GPLD1: variants seen among roughly 807,000 people sequenced by gnomAD.
GPLD1 encodes glycosylphosphatidylinositol specific phospholipase D1, also known as phosphatidylinositol-glycan-specific phospholipase D.
In GPLD1, 84 loss-of-function variants were observed where a neutral mutation model predicts 112.6. That is an observed-to-expected ratio of 0.75 (90% confidence interval 0.63 to 0.89). The LOEUF is 0.89. Among genes scored for constraint, GPLD1 ranks in the 40% least tolerant of loss-of-function variants. The pLI is 0.00. For missense variants in GPLD1, 1,044 were observed against 1,051.5 expected, an observed-to-expected ratio of 0.99 and a Z score of 0.10; for synonymous variants, 386 against 403.8, an observed-to-expected ratio of 0.96 and a Z score of 0.53.
At chr6:24,467,109 C>T (rs1763643985) in intron 8 of GPLD1, 58 bp downstream of exon 8, 3 of 1,171,180 alleles carry the variant, frequency 2.6e-6, no homozygotes, top group Non-Finnish European at 3.9e-6. Flanking sequence ...AACATAAAAA[C>T]TGTGCAAAGG....
At position 24,449,882 on chromosome 6, in the gene GPLD1, GCCAAACCGA is replaced by G. The variant is rs772508955; in HGVS notation, c.1344_1352del (p.Arg449_Gly451del). ...TAAAGTCCAACACAGCCAAGGCCGA[GCCAAACCGA>G]CCTGAGGGCTGAAGAGGCACAAGTT... On this transcript the variant is annotated inframe_deletion, in exon 15 of 25. Coordinates refer to ENST00000230036, the MANE Select transcript of GPLD1 (RefSeq NM_001503.4). The G allele has an allele frequency of 6.2e-7, 1 of 1,613,760 alleles. No homozygotes were observed. The highest frequency in any genetic ancestry group is 1.7e-5 in the Admixed American group (1 of 59,996).
At chr6:24,472,519 A>G in intron 7 of GPLD1, 63 bp downstream of exon 7, 2 of 919,584 alleles carry the variant, frequency 2.2e-6, no homozygotes, top group African/African-American at 1.7e-5. Context: ...ATTTTCTAAG[A>G]AAAAAAGTCA....
At chr6:24,455,235 G>A (rs1056328974) in intron 13 of GPLD1, among the ~76,000 whole-genome samples, 2 of 152,266 alleles carry the variant, frequency 1.3e-5, no homozygotes, top group Non-Finnish European at 2.9e-5. Flanking sequence ...GGATGCCCCT[G>A]TGGCTGGCTG....
At position 24,456,562 on chromosome 6, in the gene GPLD1, G is replaced by T. The variant is rs1023455010; in HGVS notation, c.1084C>A (p.Gln362Lys). The T allele has an allele frequency of 6.2e-7, 1 of 1,607,640 alleles. No individual in the cohort carries two copies. The highest frequency in any genetic ancestry group is 1.3e-5 in the African/African-American group (1 of 74,786). Reference protein sequence around the residue: ...TMFIGGSQLSQKHVSSPLASY... With the variant: ...TMFIGGSQLSKKHVSSPLASY... Reference sequence around the variant, plus strand: ...GCTAAGGGGCTGGAGACGTGCTTTTGTGACAACTGAGAGCCACCTATGAAC... The same window carrying T: ...GCTAAGGGGCTGGAGACGTGCTTTTTTGACAACTGAGAGCCACCTATGAAC... Residue 362 changes from glutamine (Q) to lysine (K), a missense_variant, in exon 13 of 25, where the codon CAA (glutamine) becomes AAA (lysine). Physicochemically the swap from Gln to Lys is moderately conservative, Grantham distance 53 (BLOSUM62 1). Transcript: ENST00000230036.
At chr6:24,463,453 T>C (rs559261962) in intron 10 of GPLD1, among the ~76,000 whole-genome samples, 2 of 152,224 alleles carry the variant, frequency 1.3e-5, no homozygotes, top group South Asian at 4.2e-4. Flanking sequence ...AGAAAATTAG[T>C]TGCTGAAAAA....
rs148337435 is a variant in GPLD1, at chr6:24,431,097, G to A, written c.2437-1979C>T. Among the ~76,000 whole-genome samples, 84 of 152,182 alleles carry A rather than the reference G, an allele frequency of 5.5e-4. 1 individual carries two copies. The highest frequency in any genetic ancestry group is 6.8e-3 in the Middle Eastern group (2 of 294). ...GGATCCCTGTGATCAGACCTTCCGAGAATCTTCCCATAAAGTTAATAACCA... is the reference window on the plus strand; with the variant it reads ...GGATCCCTGTGATCAGACCTTCCGAAAATCTTCCCATAAAGTTAATAACCA... On this transcript the variant is annotated intron_variant, in intron 24 of 24. Coordinates refer to ENST00000230036, the MANE Select transcript of GPLD1 (RefSeq NM_001503.4).
chr6:24,426,792 C>A lies in GPLD1; in HGVS notation c.*2240G>T, dbSNP rs936421638. 6.6e-6 allele frequency among the ~76,000 whole-genome samples: 1 copy of A among 152,186 alleles called. No individual in the cohort carries two copies. The highest frequency in any genetic ancestry group is 1.5e-5 in the Non-Finnish European group (1 of 68,032). On this transcript the variant is annotated 3_prime_UTR_variant, in exon 25 of 25. Coordinates refer to ENST00000230036, the MANE Select transcript of GPLD1 (RefSeq NM_001503.4). ...ACCATCCTTTTAATTAAAAGTAATT[C>A]TTCAGATAGGTTGGGCTACCAATAA...
chr6:24,432,445 T>G (rs1192450706), intron 24 of GPLD1, among the ~76,000 whole-genome samples: 2 of 151,638 alleles, frequency 1.3e-5, no homozygotes, highest in East Asian at 3.9e-4. Context: ...AAAAAGTTTT[T>G]GAAAAAATAG....
chr6:24,441,146 TA>T (rs71542673), intron 20 of GPLD1, among the ~76,000 whole-genome samples: 2 of 139,640 alleles, frequency 1.4e-5, no homozygotes, highest in African/African-American at 5.3e-5. Flanking sequence ...CTACTAAAAA[TA>T]AAAAAAAAAA....
chr6:24,482,097 ATTTTTT>A (rs66567770), intron 2 of GPLD1, among the ~76,000 whole-genome samples: 1 of 103,226 alleles, frequency 9.7e-6, no homozygotes, highest in African/African-American at 3.9e-5. Flanking sequence ...GTATTTTTGG[ATTTTTT>A]TTTTTTTTTT....
chr6:24,478,952 A>G (rs1003775483), intron 3 of GPLD1, among the ~76,000 whole-genome samples: 9 of 152,186 alleles, frequency 5.9e-5, no homozygotes, highest in Non-Finnish European at 1.2e-4. Context: ...TGATAATGAC[A>G]GAGCAGAAGC....
At chr6:24,479,729 G>GT in intron 3 of GPLD1, 152 bp downstream of exon 3, 1 of 520,100 alleles carries the variant, frequency 1.9e-6, no homozygotes, top group Admixed American at 3.1e-5. Context: ...CAACAATATT[G>GT]TTGGGAAACA....
chr6:24,478,398 T>C (rs1764092655), intron 3 of GPLD1, among the ~76,000 whole-genome samples: 1 of 152,178 alleles, frequency 6.6e-6, no homozygotes, highest in Non-Finnish European at 1.5e-5. Context: ...AGATAGTTCA[T>C]TTCAGTCCCA....
At chr6:24,467,976 C>G (rs9467179) in intron 7 of GPLD1, among the ~76,000 whole-genome samples, 1 of 151,790 alleles carries the variant, frequency 6.6e-6, no homozygotes, top group African/African-American at 2.4e-5. Flanking sequence ...GTGCAATCTC[C>G]GTTCACCGCA....
At chr6:24,429,529 A>C (rs1468589648) in intron 24 of GPLD1, among the ~76,000 whole-genome samples, 2 of 152,110 alleles carry the variant, frequency 1.3e-5, no homozygotes, top group East Asian at 3.9e-4. Context: ...TGCCTTCAAA[A>C]CCTGCTGCAA....
At chr6:24,479,591 T>C (rs558662595) in intron 3 of GPLD1, among the ~76,000 whole-genome samples, 2 of 152,278 alleles carry the variant, frequency 1.3e-5, no homozygotes, top group East Asian at 3.9e-4. Flanking sequence ...GACCTTTTGA[T>C]CTCTTGCAAA....
Position 24,426,705 on chromosome 6 carries a change from G to GCC in GPLD1, c.*2326_*2327insGG, listed in dbSNP as rs1554127799. Among the ~76,000 whole-genome samples, 3 of 152,072 alleles carry GCC rather than the reference G, an allele frequency of 2.0e-5. No homozygotes were observed. The highest frequency in any genetic ancestry group is 7.3e-5 in the African/African-American group (3 of 41,348). ...CTTTACTCAAGTGTCAGATGTCAGAGTGCTCTAACTGCTCAACTCATAAGT... is the reference window on the plus strand; with the variant it reads ...CTTTACTCAAGTGTCAGATGTCAGAGCCTGCTCTAACTGCTCAACTCATAAGT... On this transcript the variant is annotated 3_prime_UTR_variant, in exon 25 of 25. Coordinates refer to ENST00000230036, the MANE Select transcript of GPLD1 (RefSeq NM_001503.4).
rs139070208 is a variant in GPLD1, at chr6:24,437,225, G to A, written c.2085C>T (p.Tyr695=). 6.2e-6 allele frequency: 10 copies of A among 1,614,000 alleles called. No individual in the cohort carries two copies. The highest frequency in any genetic ancestry group is 1.6e-4 in the Middle Eastern group (1 of 6,084). Residue 695 remains tyrosine, a synonymous_variant, in exon 21 of 25, where the codon TAC becomes TAT. Coordinates refer to ENST00000230036, the MANE Select transcript of GPLD1 (RefSeq NM_001503.4). ...GAGGCTGCGCGTCAGATGTGAGTGCGTACATGCGAGTGGCTCCGCCTTGGT... is the reference window on the plus strand; with the variant it reads ...GAGGCTGCGCGTCAGATGTGAGTGCATACATGCGAGTGGCTCCGCCTTGGT... ...TLHQGGATRM[Y]ALTSDAQPLL... is the part of the protein sequence containing the mutation.
At chr6:24,442,221 C>G (rs1411043011) in intron 20 of GPLD1, among the ~76,000 whole-genome samples, 1 of 150,398 alleles carries the variant, frequency 6.6e-6, no homozygotes, top group East Asian at 2.0e-4. Flanking sequence ...CTCCTGGGCT[C>G]AAGTGATCTT....
Sources: gnomAD v4.1 joint callset for allele counts (sites outside exome capture counted in the v4.1 genomes callset) on GRCh38, gnomAD v4.1.1 for gene constraint, MANE v1.5 for transcripts, NCBI Gene and HGNC (gene_info 2026-07-23, HGNC 2026-07-21) for gene names.